The following RECK variants were observed in gnomAD, a reference collection of about 807,000 sequenced individuals.
The protein encoded by RECK is reversion-inducing cysteine-rich protein with Kazal motifs.
RECK carries 69 observed loss-of-function variants against 115.1 expected under a neutral mutation model. The ratio of observed to expected loss-of-function variants is 0.60; its 90% CI spans 0.49 to 0.73. The LOEUF is 0.73. Ranked by LOEUF, RECK falls within the 30% of genes least tolerant of loss-of-function variation. The pLI is 0.00. For synonymous variants in RECK, 414 were observed against 419.7 expected, an observed-to-expected ratio of 0.99 and a Z score of 0.17; for missense variants, 1,047 against 1,203.7, an observed-to-expected ratio of 0.87 and a Z score of 1.93.
At chr9:36,056,155 T>C (rs1821514051) in intron 2 of RECK, among the ~76,000 whole-genome samples, 2 of 152,102 alleles carry the variant, frequency 1.3e-5, no homozygotes, top group African/African-American at 4.8e-5. Context: ...CCCACTATAC[T>C]GAGGCAAATT....
In RECK at chr9:36,065,608, G is replaced by A; in HGVS notation, c.389G>A (p.Cys130Tyr). ...TCAAAGAATGATATTTCCAAAGTTT[G>A]CAGAAAAGAATATGAGGTATGCATT... The part of the protein sequence containing the change: ...ASSKNDISKV[C>Y]RKEYENALFS... Residue 130 changes from cysteine (C) to tyrosine (Y), a missense_variant, in exon 6 of 21, where the codon TGC becomes TAC. Coordinates refer to ENST00000377966, the MANE Select transcript of RECK (RefSeq NM_021111.3). The A allele has an allele frequency of 1.3e-6, 2 of 1,584,214 alleles. No individual in the cohort carries two copies. The highest frequency in any genetic ancestry group is 1.7e-6 in the Non-Finnish European group (2 of 1,167,694).
At chr9:36,046,592 T>C (rs1282433540) in intron 1 of RECK, among the ~76,000 whole-genome samples, 1 of 152,172 alleles carries the variant, frequency 6.6e-6, no homozygotes, top group African/African-American at 2.4e-5. Flanking sequence ...ACATATGCTG[T>C]TACAGAAGAA....
intron 7 of RECK, among the ~76,000 whole-genome samples, chr9:36,083,003 T>A (rs1367522612): frequency 1.3e-5 from 2 of 152,190 alleles, no homozygotes; most frequent in Non-Finnish European, 2.9e-5. Flanking sequence ...ACTCTTGGCA[T>A]TTTGAGAGAC....
rs1824426466 is a variant in RECK at position 36,120,649 on chromosome 9, T to C, written c.2465-14T>C. On this transcript the variant is annotated splice_polypyrimidine_tract_variant and intron_variant, in intron 18 of 20. Transcript: ENST00000377966. Reference sequence around the variant, plus strand: ...CTAATTCTGAACGCACATAAAATGGTTTCTGTTATACAGGTGCTTGTTGCC... The same window carrying C: ...CTAATTCTGAACGCACATAAAATGGCTTCTGTTATACAGGTGCTTGTTGCC... 4 of 1,600,728 alleles carry C rather than the reference T, an allele frequency of 2.5e-6. No homozygotes were observed. The highest frequency in any genetic ancestry group is 1.3e-5 in the African/African-American group (1 of 74,472).
intron 6 of RECK, among the ~76,000 whole-genome samples, chr9:36,075,118 C>T (rs1328017966): frequency 3.9e-5 from 6 of 152,178 alleles, no homozygotes; most frequent in South Asian, 2.1e-4. Flanking sequence ...AAGTGTAGTT[C>T]GGGCAACTGC....
intron 1 of RECK, among the ~76,000 whole-genome samples, chr9:36,044,987 C>T (rs1244673434): frequency 6.6e-6 from 1 of 152,134 alleles, no homozygotes; most frequent in African/African-American, 2.4e-5. Context: ...ATTGGTACTA[C>T]AATTGACTTA....
intron 1 of RECK, among the ~76,000 whole-genome samples, chr9:36,044,833 T>C (rs1315527574): frequency 6.6e-6 from 1 of 151,820 alleles, no homozygotes; most frequent in Admixed American, 6.6e-5. Flanking sequence ...TTTTCTTTGC[T>C]AAAAGTAATA....
intron 6 of RECK, among the ~76,000 whole-genome samples, chr9:36,077,533 G>T (rs977599717): frequency 1.3e-5 from 2 of 152,114 alleles, no homozygotes; most frequent in African/African-American, 4.8e-5. Context: ...TCAAATGCTG[G>T]TATACTGGAA....
chr9:36,075,135 C>T (rs1822399044), intron 6 of RECK, among the ~76,000 whole-genome samples: 1 of 152,218 alleles, frequency 6.6e-6, no homozygotes, highest in African/African-American at 2.4e-5. Flanking sequence ...CTGCTTACTC[C>T]AAGCTTGCTA....
Position 36,120,653 on chromosome 9 carries a change from T to C in RECK, c.2465-10T>C. 6.2e-7 allele frequency: 1 copy of C among 1,607,242 alleles called. No homozygotes were observed. Among genetic ancestry groups the C allele is most frequent in the South Asian group, 1.1e-5 (1 of 90,770 alleles). Reference sequence around the variant, plus strand: ...TTCTGAACGCACATAAAATGGTTTCTGTTATACAGGTGCTTGTTGCCCATT... The same window carrying C: ...TTCTGAACGCACATAAAATGGTTTCCGTTATACAGGTGCTTGTTGCCCATT... On this transcript the variant is annotated splice_polypyrimidine_tract_variant and intron_variant, in intron 18 of 20. Transcript: ENST00000377966.
At chr9:36,118,606 AT>A in intron 17 of RECK, 150 bp from the exon 18 acceptor site, 1 of 691,294 alleles carries the variant, frequency 1.4e-6, no homozygotes, top group Non-Finnish European at 2.4e-6. Context: ...CACCCCCAGC[AT>A]TTAGCCCACC....
chr9:36,074,073 A>G (rs942686285), intron 6 of RECK, among the ~76,000 whole-genome samples: 1 of 152,190 alleles, frequency 6.6e-6, no homozygotes. Context: ...CATTACCTCT[A>G]TTGAACTAGA....
intron 12 of RECK, among the ~76,000 whole-genome samples, chr9:36,104,275 C>CGT (rs1303504828): frequency 3.9e-5 from 3 of 76,184 alleles, no homozygotes; most frequent in Non-Finnish European, 5.1e-5. Context: ...ACATACATAG[C>CGT]ATGTGTGTGT....
intron 1 of RECK, 47 bp from the exon 2 acceptor site, chr9:36,052,218 C>G: frequency 8.7e-7 from 1 of 1,147,812 alleles, no homozygotes. Context: ...GCTTAGTCAT[C>G]TTGTTTAACA....
At position 36,094,404 on chromosome 9, in the gene RECK, A is replaced by G. The variant is rs192048684; in HGVS notation, c.1085+3061A>G. ...GTATAGTATTAATTCAAGGAAAACT[A>G]TAATAAATAATGGACATATATTATG... On this transcript the variant is annotated intron_variant, in intron 10 of 20. Coordinates refer to ENST00000377966, the MANE Select transcript of RECK (RefSeq NM_021111.3). The surrounding 1 kb of genome is among the most constrained non-coding windows in gnomAD (Gnocchi z 4.1). Among the ~76,000 whole-genome samples the G allele has an allele frequency of 6.6e-6, 1 of 152,256 alleles. No homozygotes were observed. Among genetic ancestry groups the G allele is most frequent in the African/African-American group, 2.4e-5 (1 of 41,574 alleles).
In RECK at chr9:36,094,681, T is replaced by C. The variant is rs916518863; in HGVS notation, c.1085+3338T>C. Among the ~76,000 whole-genome samples the C allele has an allele frequency of 6.6e-6, 1 of 152,148 alleles. No individual in the cohort carries two copies. Among genetic ancestry groups the C allele is most frequent in the Non-Finnish European group, 1.5e-5 (1 of 68,012 alleles). ...TTGTTAGAAAGACAAAGACTATTAT[T>C]GGAGATAAAGAGTATCACCTTATAA... is the stretch of plus-strand genomic sequence containing the variant. On this transcript the variant is annotated intron_variant, in intron 10 of 20. Transcript: ENST00000377966. The surrounding 1 kb of genome is among the most constrained non-coding windows in gnomAD (Gnocchi z 4.1).
At position 36,117,069 on chromosome 9, in the gene RECK, G is replaced by T. The variant is rs151184551; in HGVS notation, c.2145G>T (p.Ala715=). 1.4e-5 allele frequency: 23 copies of T among 1,614,014 alleles called. No individual in the cohort carries two copies. In the South Asian group the frequency reaches 2.4e-4, roughly 17 times the overall value. The change falls in exon 17 of 21, where the codon GCG becomes GCT. Residue 715 remains alanine (A), a synonymous_variant. Transcript: ENST00000377966. The part of the protein sequence containing the change: ...SQYECVPRQL[A]CDQVQDPVCD... ...ATGAGTGTGTACCAAGACAGCTCGC[G>T]TGTGACCAGGTCCAAGATCCTGTTT...
chr9:36,057,984 A>G (rs1046500292), intron 2 of RECK, among the ~76,000 whole-genome samples: 6 of 151,524 alleles, frequency 4.0e-5, no homozygotes, highest in African/African-American at 1.5e-4. Flanking sequence ...AATGGCAATC[A>G]TTAAAAAGTC....
At position 36,045,703 on chromosome 9, in the gene RECK, A is replaced by G. The variant is rs964062786; in HGVS notation, c.101-6562A>G. Among the ~76,000 whole-genome samples the G allele has an allele frequency of 2.6e-5, 4 of 151,822 alleles. No homozygotes were observed. In the South Asian group the frequency reaches 6.2e-4, roughly 24 times the overall value. On this transcript the variant is annotated intron_variant, in intron 1 of 20. Coordinates refer to ENST00000377966, the MANE Select transcript of RECK (RefSeq NM_021111.3). ...AATCCCTTTTAACTTCAAAAATCCT[A>G]TAATTCTATGGATATTTCTTAGTTT...
Sources: allele counts gnomAD v4.1 joint callset (sites outside exome capture counted in the v4.1 genomes callset), GRCh38; gene constraint gnomAD v4.1.1; non-coding constraint Gnocchi (gnomAD v3.1); transcripts MANE v1.5; gene names NCBI Gene and HGNC (gene_info 2026-07-23, HGNC 2026-07-21).